Variants in FRY observed in about 807,000 individuals in gnomAD.
The protein encoded by FRY is FRY microtubule binding protein, also known as protein furry homolog.
Under a neutral mutation model 348.4 loss-of-function variants are expected in FRY, and 128 were observed. That is an observed-to-expected ratio of 0.37 (90% CI 0.32 to 0.43). The LOEUF (loss-of-function observed/expected upper bound fraction) is 0.43. FRY is among the 20% of genes least tolerant of loss of function. The probability of loss-of-function intolerance (pLI) is 1.00; values close to 1 mark genes in which losing one functional copy is unlikely to be tolerated. For synonymous variants in FRY, 1,370 were observed against 1,374.7 expected, an observed-to-expected ratio of 1.00 and a Z score of 0.08; for missense variants, 2,736 against 3,695.2, an observed-to-expected ratio of 0.74 and a Z score of 6.73.
At chr13:32,035,757 C>A (rs1252421630) in intron 1 of FRY, among the ~76,000 whole-genome samples, 1 of 152,250 alleles carries the variant, frequency 6.6e-6, no homozygotes, top group Non-Finnish European at 1.5e-5. Context: ...TTTGAATGCC[C>A]ATTAACTCTT....
chr13:32,196,958 A>G (rs1469967001), intron 29 of FRY, among the ~76,000 whole-genome samples: 5 of 152,204 alleles, frequency 3.3e-5, no homozygotes, highest in Admixed American at 2.6e-4. Flanking sequence ...AAATTGAGAA[A>G]GAAACTAAAT....
chr13:32,293,660 C>A (rs1889486927), intron 59 of FRY, among the ~76,000 whole-genome samples: 1 of 152,152 alleles, frequency 6.6e-6, no homozygotes, highest in Non-Finnish European at 1.5e-5. Context: ...TTAATCTTTA[C>A]TTTTTAACAC....
chr13:32,131,107 C>A (rs117489296), intron 7 of FRY, among the ~76,000 whole-genome samples: 2 of 152,196 alleles, frequency 1.3e-5, no homozygotes, highest in Non-Finnish European at 2.9e-5. Context: ...AGCGCCACTG[C>A]GCCCGGCCTC....
At chr13:32,235,877 A>G (rs1214748500) in intron 42 of FRY, among the ~76,000 whole-genome samples, 1 of 152,198 alleles carries the variant, frequency 6.6e-6, no homozygotes, top group Non-Finnish European at 1.5e-5. Flanking sequence ...GCTCTTAGAC[A>G]TAGGAAAATA....
Position 32,134,782 on chromosome 13 carries a change from A to G in FRY, c.886-122A>G, listed in dbSNP as rs1879594458. 5 of 771,284 alleles carry G rather than the reference A, an allele frequency of 6.5e-6. 1 individual carries two copies. The highest frequency in any genetic ancestry group is 1.7e-5 in the Admixed American group (1 of 57,198). 47.8% of individuals were successfully genotyped at this position (771,284 alleles called of 1,614,324 possible). A position where few individuals can be genotyped will look rare whatever the true frequency, so the allele number is the denominator to read the frequency against. ...TGAATCCAGTGATTTTTAATAGACT[A>G]TGGAATATGCTCTGTTGATACATGA... On this transcript the variant is annotated intron_variant, in intron 8 of 60. Coordinates refer to ENST00000542859, the MANE Select transcript of FRY (RefSeq NM_023037.3).
chr13:32,098,954 A>G (rs1876963906), intron 2 of FRY, among the ~76,000 whole-genome samples: 4 of 151,984 alleles, frequency 2.6e-5, no homozygotes. Context: ...CTCTTGGTGA[A>G]ACCTCAGACT....
intron 40 of FRY, among the ~76,000 whole-genome samples, 178 bp from the exon 41 acceptor site, chr13:32,231,001 G>GT (rs146686232): frequency 2.0e-5 from 3 of 151,668 alleles, no homozygotes; most frequent in African/African-American, 4.8e-5. Context: ...TTTTTAATGG[G>GT]TTTTTTTTCT....
Position 32,228,640 on chromosome 13 carries a change from G to A in FRY, c.5391G>A (p.Glu1797=), listed in dbSNP as rs1885739912. ...ATGAGAAGGCAAACAAGCTCATTGA[G>A]TTTCTCACGACCAGGTAATAAGGGG... ...ETDEKANKLI[E]FLTTRAFGPL... The change falls in exon 40 of 61, where the codon GAG becomes GAA. Residue 1797 remains glutamate, a synonymous_variant. Transcript: ENST00000542859. 6 of 1,613,972 alleles carry A rather than the reference G, an allele frequency of 3.7e-6. No homozygotes were observed. The highest frequency in any genetic ancestry group is 3.3e-5 in the South Asian group (3 of 91,084).
At chr13:32,263,372 T>C (rs1887766155) in intron 53 of FRY, among the ~76,000 whole-genome samples, 1 of 152,198 alleles carries the variant, frequency 6.6e-6, no homozygotes, top group Non-Finnish European at 1.5e-5. Context: ...ATCAGAAATC[T>C]AGGAAAATCT....
chr13:32,247,201 G>A (rs1282963788), intron 47 of FRY, 122 bp from the exon 48 acceptor site: 2 of 754,842 alleles, frequency 2.6e-6, no homozygotes, highest in Non-Finnish European at 4.6e-6. Flanking sequence ...CATGGAACCT[G>A]CTGCGCTGTT....
At chr13:32,104,938 C>A (rs1409990196) in intron 3 of FRY, among the ~76,000 whole-genome samples, 1 of 152,162 alleles carries the variant, frequency 6.6e-6, no homozygotes, top group East Asian at 1.9e-4. Flanking sequence ...CCATGCAGAA[C>A]CGTGAGCCAA....
chr13:32,130,499 T>A (rs1457862825), intron 7 of FRY, among the ~76,000 whole-genome samples: 1 of 151,720 alleles, frequency 6.6e-6, no homozygotes, highest in Non-Finnish European at 1.5e-5. Flanking sequence ...TATTTTTTGG[T>A]GAATAGACAA....
chr13:32,111,049 G>A (rs1877921974), intron 3 of FRY, among the ~76,000 whole-genome samples: 1 of 152,150 alleles, frequency 6.6e-6, no homozygotes, highest in Non-Finnish European at 1.5e-5. Flanking sequence ...AGGAGAACCT[G>A]GTGAATACTG....
intron 42 of FRY, among the ~76,000 whole-genome samples, chr13:32,234,975 T>A (rs1200494830): frequency 6.6e-6 from 1 of 152,226 alleles, no homozygotes; most frequent in Non-Finnish European, 1.5e-5. Flanking sequence ...ATCTCTTTTA[T>A]ATAAGCCAAC....
At chr13:32,288,481 G>A (rs1315081017) in intron 58 of FRY, among the ~76,000 whole-genome samples, 1 of 152,164 alleles carries the variant, frequency 6.6e-6, no homozygotes, top group Non-Finnish European at 1.5e-5. Context: ...TAGTCTTAGC[G>A]TGAATTTTAG....
chr13:32,166,017 C>A (rs909707838), intron 17 of FRY, among the ~76,000 whole-genome samples: 4 of 152,194 alleles, frequency 2.6e-5, no homozygotes, highest in Non-Finnish European at 5.9e-5. Context: ...GTGGCCTGTG[C>A]AGAATACAGC....
At chr13:32,276,024 T>C (rs1888519604) in intron 56 of FRY, among the ~76,000 whole-genome samples, 1 of 152,188 alleles carries the variant, frequency 6.6e-6, no homozygotes, top group African/African-American at 2.4e-5. Context: ...GGCTGTCTTA[T>C]AGCAAAGAAT....
Position 32,224,269 on chromosome 13 carries a change from G to A in FRY, c.4800G>A (p.Leu1600=), listed in dbSNP as rs1246506858. ...DPISPYTGWL[L]TITETKQPQP... ...TTTCTCCCTACACGGGCTGGTTGCT[G>A]ACTATTACAGAGACCAAGCAGCCGC... The change falls in exon 37 of 61, where the codon CTG becomes CTA. Residue 1600 remains leucine, a synonymous_variant. Transcript: ENST00000542859. 13 of 1,614,120 alleles carry A rather than the reference G, an allele frequency of 8.1e-6. No individual in the cohort carries two copies. Among genetic ancestry groups the A allele is most frequent in the Admixed American group, 1.7e-5 (1 of 60,020 alleles).
chr13:32,172,062 G>A (rs1043798649), intron 18 of FRY, among the ~76,000 whole-genome samples: 1 of 124,822 alleles, frequency 8.0e-6, no homozygotes, highest in African/African-American at 2.9e-5. Context: ...GGATGTGGAT[G>A]TAGGTGTGGG....
Sources: allele counts gnomAD v4.1 joint callset (sites outside exome capture counted in the v4.1 genomes callset), GRCh38; gene constraint gnomAD v4.1.1; transcripts MANE v1.5; gene names NCBI Gene and HGNC (gene_info 2026-07-23, HGNC 2026-07-21).